Variants in UCMA observed in about 807,000 individuals in gnomAD.
UCMA encodes upper zone of growth plate and cartilage matrix-associated protein.
UCMA carries 21 observed loss-of-function variants against 21.8 expected under a neutral mutation model. That is an observed-to-expected ratio of 0.97 (90% CI 0.68 to 1.39). UCMA has a LOEUF of 1.39. UCMA is among the 40% of genes most tolerant of loss of function. UCMA has a pLI of 0.00. For synonymous variants in UCMA, 76 were observed against 67.9 expected (o/e 1.12, Z -0.58); for missense variants, 193 against 178.9 (o/e 1.08, Z -0.45).
intron 3 of UCMA, among the ~76,000 whole-genome samples, chr10:13,232,871 C>T (rs1258586380): frequency 2.6e-5 from 4 of 151,772 alleles, no homozygotes; most frequent in African/African-American, 7.3e-5. Context: ...ACCCTGAAGC[C>T]GGGGCTCCAC....
intron 3 of UCMA, among the ~76,000 whole-genome samples, chr10:13,233,207 A>T (rs1305548808): frequency 1.3e-5 from 2 of 152,002 alleles, no homozygotes; most frequent in Non-Finnish European, 2.9e-5. Context: ...CCCTCCCTAC[A>T]CCTTTCTGAA....
intron 4 of UCMA, among the ~76,000 whole-genome samples, chr10:13,225,276 A>C (rs1313005168): frequency 2.0e-5 from 3 of 152,032 alleles, no homozygotes; most frequent in Non-Finnish European, 2.9e-5. Context: ...CTTGGCCTCC[A>C]AAAGTCCTGG....
chr10:13,228,473 A>T (rs1834853027), intron 4 of UCMA, among the ~76,000 whole-genome samples: 1 of 152,170 alleles, frequency 6.6e-6, no homozygotes, highest in Non-Finnish European at 1.5e-5. Flanking sequence ...CTTTTGGATG[A>T]GTTGGAGCCT....
Position 13,222,127 on chromosome 10 carries a change from A to G in UCMA, c.393T>C (p.Tyr131=). 6.2e-7 allele frequency: 1 copy of G among 1,614,022 alleles called. No individual in the cohort carries two copies. The highest frequency in any genetic ancestry group is 1.1e-5 in the South Asian group (1 of 91,070). The change falls in exon 5 of 5, where the codon TAT becomes TAC. Residue 131 remains tyrosine, a synonymous_variant. Transcript: ENST00000378681. ...QWHYDGLHPS[Y]LYNRHHT ...ATCAGGTGTGGTGGCGGTTGTAGAG[A>G]TAGGATGGGTGCAGGCCGTCATAGT...
At chr10:13,222,341 C>G (rs1834769318) in intron 4 of UCMA, 141 bp from the exon 5 acceptor site, 2 of 718,252 alleles carry the variant, frequency 2.8e-6, no homozygotes, top group Non-Finnish European at 4.6e-6. Flanking sequence ...AAGGCCAGGA[C>G]TGGTGAGGAT....
rs1032684896 is a variant in UCMA, at chr10:13,222,202, T to C, written c.320-2A>G. On this transcript the variant is annotated splice_acceptor_variant, in intron 4 of 4. Transcript: ENST00000378681. LOFTEE classifies it high-confidence loss of function. ...CCTCCCGGCTCCTCTCTTCCTGCTC[T>C]GGGGAGGAAAGACAAAGCCACCTGT... 6.2e-7 allele frequency: 1 copy of C among 1,613,316 alleles called. No homozygotes were observed. Among genetic ancestry groups the C allele is most frequent in the African/African-American group, 1.3e-5 (1 of 74,914 alleles).
chr10:13,231,861 G>T (rs1834903006), intron 3 of UCMA, among the ~76,000 whole-genome samples: 1 of 152,190 alleles, frequency 6.6e-6, no homozygotes, highest in Admixed American at 6.5e-5. Context: ...TGGCTGAAGT[G>T]TCTGTCACCT....
At chr10:13,228,188 T>C (rs563330492) in intron 4 of UCMA, among the ~76,000 whole-genome samples, 3 of 152,190 alleles carry the variant, frequency 2.0e-5, no homozygotes, top group East Asian at 1.9e-4. Context: ...GCCTCCCAAG[T>C]AGCTGAGACT....
intron 4 of UCMA, among the ~76,000 whole-genome samples, chr10:13,223,130 G>A (rs1166571425): frequency 6.6e-6 from 1 of 150,862 alleles, no homozygotes. Context: ...GGAGGCTGAA[G>A]TATGAGAATC....
Position 13,234,372 on chromosome 10 carries a change from G to T in UCMA, c.-114C>A. On this transcript the variant is annotated 5_prime_UTR_variant, in exon 1 of 5. Coordinates refer to ENST00000378681, the MANE Select transcript of UCMA (RefSeq NM_145314.3). ...CCAGGCGAGAGGAAGGAAGGCGGGG[G>T]AGGGAAGAGAGAGGCAGGAGGCTGG... 1.8e-6 allele frequency: 2 copies of T among 1,083,228 alleles called. No individual in the cohort carries two copies. The highest frequency in any genetic ancestry group is 1.3e-6 in the Non-Finnish European group (1 of 757,764). The allele number at this position is 1,083,228 out of a possible 1,614,324, so 67.1% of individuals were successfully genotyped here. A position where few individuals can be genotyped will look rare whatever the true frequency, so the allele number is the denominator to read the frequency against.
intron 3 of UCMA, among the ~76,000 whole-genome samples, chr10:13,232,637 C>G (rs1834914139): frequency 6.6e-6 from 1 of 152,128 alleles, no homozygotes; most frequent in Non-Finnish European, 1.5e-5. Context: ...ATTTCTATCT[C>G]TGTTCTTCCC....
chr10:13,227,743 T>TACAC (rs55831241), intron 4 of UCMA, among the ~76,000 whole-genome samples: 12,514 of 110,554 alleles, frequency 0.11, 1,020 homozygotes, highest in African/African-American at 0.21. Context: ...GGAAAGGAAA[T>TACAC]ACACACACAC....
chr10:13,222,406 G>A (rs551625355), intron 4 of UCMA, among the ~76,000 whole-genome samples: 1 of 152,324 alleles, frequency 6.6e-6, no homozygotes, highest in South Asian at 2.1e-4. Flanking sequence ...GATGGGCGAA[G>A]GTCACAGGCA....
At position 13,229,701 on chromosome 10, in the gene UCMA, T is replaced by C. The variant is rs1286417181; in HGVS notation, c.229A>G (p.Arg77Gly). 1.1e-5 allele frequency: 17 copies of C among 1,613,804 alleles called. No individual in the cohort carries two copies. The highest frequency in any genetic ancestry group is 1.4e-5 in the Non-Finnish European group (17 of 1,179,958). ...KSRDEVNVENRQKLRVDELRR... is the reference protein window; with the variant it reads ...KSRDEVNVENGQKLRVDELRR... Reference sequence around the variant, plus strand: ...AGCTCATCAACCCGAAGCTTCTGCCTGTTTTCCACTGTGAAAGGAAAAGAA... The same window carrying C: ...AGCTCATCAACCCGAAGCTTCTGCCCGTTTTCCACTGTGAAAGGAAAAGAA... Residue 77 changes from arginine (R) to glycine (G), a missense_variant, in exon 4 of 5, where the codon AGG becomes GGG. Coordinates refer to ENST00000378681, the MANE Select transcript of UCMA (RefSeq NM_145314.3).
At chr10:13,229,039 G>C (rs1834861490) in intron 4 of UCMA, among the ~76,000 whole-genome samples, 1 of 151,896 alleles carries the variant, frequency 6.6e-6, no homozygotes, top group Non-Finnish European at 1.5e-5. Flanking sequence ...AAGTTCAAGC[G>C]ATTCTCCAGC....
Position 13,222,162 on chromosome 10 carries a change from GCC to G in UCMA, c.356_357del (p.Trp119SerfsTer6). On this transcript the variant is annotated frameshift_variant, in exon 5 of 5. Coordinates refer to ENST00000378681, the MANE Select transcript of UCMA (RefSeq NM_145314.3). LOFTEE classifies it high-confidence loss of function. The stretch of plus-strand genomic sequence containing the variant: ...TGCAGGCCGTCATAGTGCCACTGGC[GCC>G]ACTGCTCCACAGCCTCCCGGCTCCT... The part of the protein sequence containing the change: ...EERSREAVEQ[W>X]RQWHYDGLHP... 1.9e-6 allele frequency: 3 copies of G among 1,614,082 alleles called. No individual in the cohort carries two copies. Among genetic ancestry groups the G allele is most frequent in the Non-Finnish European group, 2.5e-6 (3 of 1,180,038 alleles).
chr10:13,226,868 G>A (rs556016859), intron 4 of UCMA, among the ~76,000 whole-genome samples: 1 of 152,272 alleles, frequency 6.6e-6, no homozygotes, highest in South Asian at 2.1e-4. Context: ...AATTCATCAA[G>A]AAAGGGAAAA....
At position 13,230,441 on chromosome 10, in the gene UCMA, T is replaced by C. The variant is rs568997547; in HGVS notation, c.221-732A>G. On this transcript the variant is annotated intron_variant, in intron 3 of 4. Coordinates refer to ENST00000378681, the MANE Select transcript of UCMA (RefSeq NM_145314.3). ...ATTCCCGGTTGTCTGGAGGAAACGATGTAAAGCTCTCTACTTTCAAGGTAT... is the reference window on the plus strand; with the variant it reads ...ATTCCCGGTTGTCTGGAGGAAACGACGTAAAGCTCTCTACTTTCAAGGTAT... Among the ~76,000 whole-genome samples, 26 of 152,300 alleles carry C rather than the reference T, an allele frequency of 1.7e-4. No individual in the cohort carries two copies. In the South Asian group the frequency reaches 5.2e-3, roughly 30 times the overall value.
At position 13,222,812 on chromosome 10, in the gene UCMA, C is replaced by T. The variant is rs917258938; in HGVS notation, c.320-612G>A. On this transcript the variant is annotated intron_variant, in intron 4 of 4. Transcript: ENST00000378681. The stretch of plus-strand genomic sequence containing the variant: ...GCTCAGGCGATCCTCCCACTTCAGC[C>T]TCCTTTCACCATGCCTGGCTAATTT... Among the ~76,000 whole-genome samples the T allele has an allele frequency of 3.3e-5, 5 of 150,572 alleles. 1 individual carries two copies. The East Asian group carries it at 9.7e-4, about 29-fold the overall frequency.
Sources: allele counts gnomAD v4.1 joint callset (sites outside exome capture counted in the v4.1 genomes callset), GRCh38; gene constraint gnomAD v4.1.1; transcripts MANE v1.5; gene names NCBI Gene and HGNC (gene_info 2026-07-23, HGNC 2026-07-21).